The following TTBK2 variants were observed in gnomAD, a reference collection of about 807,000 sequenced individuals.
TTBK2 encodes the protein tau-tubulin kinase 2.
TTBK2 carries 28 observed loss-of-function variants against 110.8 expected under a neutral mutation model. The ratio of observed to expected loss-of-function variants is 0.25; its 90% CI spans 0.19 to 0.35. The LOEUF (loss-of-function observed/expected upper bound fraction) is 0.35. Ranked by LOEUF, TTBK2 falls within the 10% of genes least tolerant of loss-of-function variation. The pLI is 1.00. For missense variants in TTBK2, 1,369 were observed against 1,500.3 expected, an observed-to-expected ratio of 0.91 and a Z score of 1.45; for synonymous variants, 532 against 527.3, an observed-to-expected ratio of 1.01 and a Z score of -0.12.
chr15:42,840,639 T>C, intron 3 of TTBK2: 1 of 656,048 alleles, frequency 1.5e-6, no homozygotes, highest in Non-Finnish European at 2.8e-6. Flanking sequence ...GTCAAATAAA[T>C]GACTATTTGA....
intron 3 of TTBK2, chr15:42,854,972 C>G (rs114460809): frequency 6.6e-5 from 10 of 152,138 alleles, no homozygotes; most frequent in Non-Finnish European, 1.3e-4. Context: ...TATAAAGATA[C>G]TTTGTGCTGT....
rs369896751 is a variant in TTBK2, at chr15:42,753,175, C to T, written c.2071G>A (p.Glu691Lys). ...TCCATGGGCTGAAGATCTTTCTTCT[C>T]TGGCTGCTGACCACAGTGAAAGCTT... ...SGSFHCGQQP[E>K]KKDLQPMEPT... is the part of the protein sequence containing the mutation. The change falls in exon 14 of 15, where the codon GAG becomes AAG. Residue 691 changes from glutamate to lysine, a missense_variant. Glu to Lys is a moderately conservative substitution (Grantham distance 56). Transcript: ENST00000267890. 1.8e-5 allele frequency: 29 copies of T among 1,606,244 alleles called. No homozygotes were observed. The African/African-American group carries it at 2.4e-4, about 13-fold the overall frequency.
Position 42,777,177 on chromosome 15 carries a change from C to T in TTBK2, c.1263G>A (p.Gly421=), listed in dbSNP as rs374922177. Residue 421 remains glycine, a synonymous_variant, in exon 12 of 15, where the codon GGG becomes GGA. Transcript: ENST00000267890. ...ANGLLNAPSL[G]SPIRVRSEIT... is the part of the protein sequence containing the mutation. Reference sequence around the variant, plus strand: ...TCTCTGAGCGGACACGAATTGGTGACCCAAGGCTTGGAGCATTGAGAAGAC... The same window carrying T: ...TCTCTGAGCGGACACGAATTGGTGATCCAAGGCTTGGAGCATTGAGAAGAC... 41 of 1,614,026 alleles carry T rather than the reference C, an allele frequency of 2.5e-5. No individual in the cohort carries two copies. Among genetic ancestry groups the T allele is most frequent in the Non-Finnish European group, 3.2e-5 (38 of 1,180,048 alleles).
At chr15:42,863,499 A>C (rs1288480814) in intron 3 of TTBK2, among the ~76,000 whole-genome samples, 1 of 152,110 alleles carries the variant, frequency 6.6e-6, no homozygotes, top group African/African-American at 2.4e-5. Context: ...TGGCCATACT[A>C]CCCAAAGCAA....
At chr15:42,751,824 C>G in intron 14 of TTBK2, 150 bp downstream of exon 14, 1 of 889,696 alleles carries the variant, frequency 1.1e-6, no homozygotes, top group Non-Finnish European at 1.8e-6. Flanking sequence ...CTGATTACTT[C>G]TACTGCACTA....
intron 3 of TTBK2, among the ~76,000 whole-genome samples, chr15:42,855,691 G>C (rs1047737135): frequency 6.6e-6 from 1 of 152,076 alleles, no homozygotes; most frequent in Non-Finnish European, 1.5e-5. Context: ...ATTATATATT[G>C]ATTTATTTAT....
intron 13 of TTBK2, among the ~76,000 whole-genome samples, chr15:42,770,756 A>G (rs990685229): frequency 1.3e-5 from 2 of 152,340 alleles, no homozygotes; most frequent in Middle Eastern, 6.8e-3. Flanking sequence ...ATCCATTTTA[A>G]GAAGTTAAAC....
intron 1 of TTBK2, among the ~76,000 whole-genome samples, chr15:42,891,450 A>G (rs889664748): frequency 6.6e-5 from 10 of 151,974 alleles, no homozygotes; most frequent in Admixed American, 6.6e-5. Context: ...CTGGGATTAC[A>G]GGCATGAGCC....
At position 42,878,546 on chromosome 15, in the gene TTBK2, C is replaced by A; in HGVS notation, c.69+3G>T. 6.2e-7 allele frequency: 1 copy of A among 1,612,714 alleles called. No homozygotes were observed. The highest frequency in any genetic ancestry group is 8.5e-7 in the Non-Finnish European group (1 of 1,179,898). On this transcript the variant is annotated splice_donor_region_variant and intron_variant, in intron 2 of 14. Transcript: ENST00000267890. ...ACACACACTCTCTGAGATGTACACT[C>A]ACCACTTTCCATCTTTCTTTCACTA...
At position 42,840,384 on chromosome 15, in the gene TTBK2, G is replaced by A. The variant is rs1373185239; in HGVS notation, c.267C>T (p.Phe89=). 1.2e-6 allele frequency: 2 copies of A among 1,613,984 alleles called. No homozygotes were observed. Among genetic ancestry groups the A allele is most frequent in the Non-Finnish European group, 1.7e-6 (2 of 1,179,940 alleles). ...RFIGCGRNDR[F]NYVVMQLQGR... is the part of the protein sequence containing the mutation. The stretch of plus-strand genomic sequence containing the variant: ...CCTGCAACTGCATGACCACATAGTT[G>A]AATCGATCATTCCTCCCACAGCCAA... The change falls in exon 4 of 15, where the codon TTC becomes TTT. Residue 89 remains phenylalanine (F), a synonymous_variant. Coordinates refer to ENST00000267890, the MANE Select transcript of TTBK2 (RefSeq NM_173500.4).
chr15:42,779,597 T>G (rs1466919595), intron 11 of TTBK2, among the ~76,000 whole-genome samples: 2 of 152,174 alleles, frequency 1.3e-5, no homozygotes, highest in Non-Finnish European at 2.9e-5. Flanking sequence ...GGAAGAAAGA[T>G]GAGCCAAGGA....
At chr15:42,814,056 C>T (rs971661614) in intron 7 of TTBK2, among the ~76,000 whole-genome samples, 3 of 151,968 alleles carry the variant, frequency 2.0e-5, no homozygotes, top group African/African-American at 4.8e-5. Context: ...GTCTCGTTGT[C>T]GTCAGCCCGG....
At chr15:42,880,012 A>T (rs573077903) in intron 1 of TTBK2, among the ~76,000 whole-genome samples, 3 of 151,066 alleles carry the variant, frequency 2.0e-5, no homozygotes, top group Admixed American at 2.0e-4. Flanking sequence ...AAAAAAAAAA[A>T]AGAAAAGAAA....
At chr15:42,746,326 C>G in intron 14 of TTBK2, 69 bp from the exon 15 acceptor site, 1 of 1,205,810 alleles carries the variant, frequency 8.3e-7, no homozygotes, top group East Asian at 2.5e-5. Flanking sequence ...GTCACAATGT[C>G]CCAAAATCAT....
intron 3 of TTBK2, among the ~76,000 whole-genome samples, chr15:42,852,640 G>A (rs1424850399): frequency 6.6e-6 from 1 of 152,024 alleles, no homozygotes; most frequent in African/African-American, 2.4e-5. Flanking sequence ...AAATAATCTA[G>A]ACCTATTCTC....
At chr15:42,898,511 AAAAAGAAAAAAAAAAAGAAAAAG>A (rs1273423342) in intron 1 of TTBK2, among the ~76,000 whole-genome samples, 1 of 151,316 alleles carries the variant, frequency 6.6e-6, no homozygotes, top group Non-Finnish European at 1.5e-5. Flanking sequence ...ACTCTGTCTC[AAAAAGAAAAAAAAAAAGAAAAAG>A]AAAAAAAAAG....
At chr15:42,828,828 A>G (rs777418143) in intron 5 of TTBK2, among the ~76,000 whole-genome samples, 1 of 152,220 alleles carries the variant, frequency 6.6e-6, no homozygotes, top group Non-Finnish European at 1.5e-5. Flanking sequence ...GACTTAAGGA[A>G]AATACACTTT....
intron 10 of TTBK2, among the ~76,000 whole-genome samples, chr15:42,790,984 C>T (rs976374855): frequency 7.9e-5 from 12 of 151,982 alleles, no homozygotes; most frequent in Admixed American, 4.6e-4. Context: ...CCCGTGTTCA[C>T]GCCATTCTCC....
At chr15:42,884,667 A>C (rs934462099) in intron 1 of TTBK2, among the ~76,000 whole-genome samples, 1 of 152,202 alleles carries the variant, frequency 6.6e-6, no homozygotes, top group Non-Finnish European at 1.5e-5. Flanking sequence ...CTGAAGGTTG[A>C]GTAGATTTCC....
Sources: gnomAD v4.1 joint callset for allele counts (sites outside exome capture counted in the v4.1 genomes callset) on GRCh38, gnomAD v4.1.1 for gene constraint, MANE v1.5 for transcripts, NCBI Gene and HGNC (gene_info 2026-07-23, HGNC 2026-07-21) for gene names.